Variants in ZFP3 observed in about 807,000 individuals in gnomAD.
The protein encoded by ZFP3 is ZFP3 zinc finger protein, also known as zinc finger protein 3 homolog.
ZFP3 carries 18 observed loss-of-function variants against 36.7 expected under a neutral mutation model. The ratio of observed to expected loss-of-function variants is 0.49; its 90% CI spans 0.34 to 0.73. The LOEUF (loss-of-function observed/expected upper bound fraction) is 0.73. ZFP3 is among the 30% of genes least tolerant of loss of function. ZFP3 has a pLI of 0.01. For missense variants in ZFP3, 495 were observed against 599.0 expected (o/e 0.83, Z 1.81); for synonymous variants, 218 against 199.0 (o/e 1.10, Z -0.81).
chr17:5,078,528 C>G lies in ZFP3; in HGVS notation c.-56C>G, dbSNP rs2072076542. The G allele has an allele frequency of 6.6e-6, 1 of 152,274 alleles. No individual in the cohort carries two copies. Among genetic ancestry groups the G allele is most frequent in the Non-Finnish European group, 1.5e-5 (1 of 68,126 alleles). The allele number at this position is 152,274 out of a possible 1,614,324, so 9.4% of individuals were successfully genotyped here. The stretch of plus-strand genomic sequence containing the variant: ...GGGCTCTGTGCGAGCGGCCCAGCAG[C>G]GCGGAGCCTCAGCGGAGTGAGCGAG... On this transcript the variant is annotated 5_prime_UTR_variant, in exon 1 of 2. Transcript: ENST00000318833. The surrounding 1 kb of genome is among the most constrained non-coding windows in gnomAD (Gnocchi z 4.5).
intron 1 of ZFP3, among the ~76,000 whole-genome samples, chr17:5,087,226 A>AC (rs935984147): frequency 2.0e-5 from 3 of 151,710 alleles, no homozygotes; most frequent in Non-Finnish European, 4.4e-5. Flanking sequence ...AACTACAGGC[A>AC]CATGCCACTA....
chr17:5,086,278 T>A (rs140986023), intron 1 of ZFP3, among the ~76,000 whole-genome samples: 71 of 152,138 alleles, frequency 4.7e-4, no homozygotes, highest in African/African-American at 1.7e-3. Flanking sequence ...CCCTGATGAG[T>A]GACTAGAGGT....
chr17:5,079,489 G>A (rs926068570), intron 1 of ZFP3, among the ~76,000 whole-genome samples: 3 of 151,942 alleles, frequency 2.0e-5, no homozygotes, highest in Admixed American at 2.0e-4. Flanking sequence ...CTGGGCAATA[G>A]AGCCAAGACC....
At position 5,091,657 on chromosome 17, in the gene ZFP3, G is replaced by A. The variant is rs547176449; in HGVS notation, c.153G>A (p.Ser51=). 1.2e-5 allele frequency: 19 copies of A among 1,614,184 alleles called. No homozygotes were observed. The highest frequency in any genetic ancestry group is 5.5e-5 in the South Asian group (5 of 91,084). ...AAGAAGACATGTTGGAGGGACATTC[G>A]AGAGAGTCCATGGAAGAGGTTATAG... is the stretch of plus-strand genomic sequence containing the variant. ...GCEEDMLEGH[S]RESMEEVIEQ... Residue 51 remains serine, a synonymous_variant, in exon 2 of 2, where the codon TCG becomes TCA. Transcript: ENST00000318833.
At chr17:5,090,709 C>T (rs2072145345) in intron 1 of ZFP3, among the ~76,000 whole-genome samples, 1 of 152,046 alleles carries the variant, frequency 6.6e-6, no homozygotes, top group African/African-American at 2.4e-5. Context: ...CTGACTCTGT[C>T]ACCCAGCCTG....
intron 1 of ZFP3, among the ~76,000 whole-genome samples, chr17:5,082,552 G>C (rs2072099653): frequency 6.6e-6 from 1 of 152,014 alleles, no homozygotes; most frequent in African/African-American, 2.4e-5. Flanking sequence ...TTGAGACAGG[G>C]TCTCTTATTC....
intron 1 of ZFP3, among the ~76,000 whole-genome samples, chr17:5,080,926 A>T (rs1245937646): frequency 6.6e-6 from 1 of 152,068 alleles, no homozygotes; most frequent in Non-Finnish European, 1.5e-5. Context: ...TGCTTGTTTC[A>T]TGAGGTGGTG....
At chr17:5,091,416 A>C (rs1187390831) in intron 1 of ZFP3, 81 bp from the exon 2 acceptor site, 12 of 1,413,546 alleles carry the variant, frequency 8.5e-6, no homozygotes, top group Non-Finnish European at 1.1e-5. Flanking sequence ...TGAGAACTAC[A>C]TCAAAGCTCT....
intron 1 of ZFP3, among the ~76,000 whole-genome samples, chr17:5,086,714 C>G (rs1209726184): frequency 6.7e-6 from 1 of 148,154 alleles, no homozygotes; most frequent in African/African-American, 2.5e-5. Flanking sequence ...TCTCAGTACA[C>G]ATTTTCTTTC....
At chr17:5,080,438 A>G (rs907288790) in intron 1 of ZFP3, among the ~76,000 whole-genome samples, 3 of 152,178 alleles carry the variant, frequency 2.0e-5, no homozygotes, top group African/African-American at 7.2e-5. Flanking sequence ...AAGCAAAGCC[A>G]CTGCAAATAT....
intron 1 of ZFP3, among the ~76,000 whole-genome samples, chr17:5,081,837 G>A (rs1046854913): frequency 1.3e-5 from 2 of 149,848 alleles, no homozygotes; most frequent in East Asian, 2.1e-4. Context: ...TCCTGACCTC[G>A]TGATCCACCC....
In ZFP3 at chr17:5,093,713, T is replaced by C. The variant is rs555759429; in HGVS notation, c.*700T>C. On this transcript the variant is annotated 3_prime_UTR_variant, in exon 2 of 2. Coordinates refer to ENST00000318833, the MANE Select transcript of ZFP3 (RefSeq NM_153018.3). ...TTACTTTAGAAGATGGCAGCATTAA[T>C]GAAGAAGCAGGCTCATTTCACATCT... 3 of 167,238 alleles carry C rather than the reference T, an allele frequency of 1.8e-5. No homozygotes were observed. The East Asian group carries it at 5.8e-4, about 32-fold the overall frequency. The allele number at this position is 167,238 out of a possible 1,614,324, so 10.4% of individuals were successfully genotyped here. A position where few individuals can be genotyped will look rare whatever the true frequency, so the allele number is the denominator to read the frequency against.
chr17:5,088,432 A>T (rs944290170), intron 1 of ZFP3, among the ~76,000 whole-genome samples: 5 of 151,094 alleles, frequency 3.3e-5, no homozygotes, highest in Non-Finnish European at 5.9e-5. Context: ...TGATGACTGC[A>T]GCAGCCTCCC....
In ZFP3 at chr17:5,091,987, A is replaced by C. The variant is rs770030956; in HGVS notation, c.483A>C (p.Arg161Ser). 1 of 1,614,222 alleles carries C rather than the reference A, an allele frequency of 6.2e-7. No individual in the cohort carries two copies. The highest frequency in any genetic ancestry group is 2.2e-5 in the East Asian group (1 of 44,894). The change falls in exon 2 of 2, where the codon AGA (arginine) becomes AGC (serine). Residue 161 changes from arginine to serine, a missense_variant. Arg to Ser is a moderately radical substitution (Grantham distance 110). Around this residue, in one of 3 missense-constraint regions of ZFP3, gnomAD observed 229 missense variants for 233.8 expected, o/e 0.98. Transcript: ENST00000318833. ...NQNSHLIQHM[R>S]VHSGEKPFEC... is the part of the protein sequence containing the mutation. Reference sequence around the variant, plus strand: ...ACTCACATCTCATCCAGCATATGAGAGTTCATAGTGGAGAAAAACCCTTTG... The same window carrying C: ...ACTCACATCTCATCCAGCATATGAGCGTTCATAGTGGAGAAAAACCCTTTG...
intron 1 of ZFP3, among the ~76,000 whole-genome samples, chr17:5,087,936 G>A (rs1285763371): frequency 6.6e-6 from 1 of 152,194 alleles, no homozygotes; most frequent in Admixed American, 6.5e-5. Flanking sequence ...AGGGAGAAAG[G>A]TGGAAAGAAG....
At chr17:5,079,578 G>A (rs559508837) in intron 1 of ZFP3, among the ~76,000 whole-genome samples, 2 of 152,168 alleles carry the variant, frequency 1.3e-5, no homozygotes, top group Non-Finnish European at 2.9e-5. Context: ...ACATTTACCA[G>A]GTATCTGAAA....
Position 5,092,486 on chromosome 17 carries a change from C to CA in ZFP3, c.983dup (p.Arg329GlufsTer10), listed in dbSNP as rs1567750321. The CA allele has an allele frequency of 6.2e-7, 1 of 1,614,052 alleles. No homozygotes were observed. The highest frequency in any genetic ancestry group is 8.5e-7 in the Non-Finnish European group (1 of 1,180,004). ...GCAGAGTTCTGAGCTTATCCGGCAT[C>CA]AGAGAATTCATACAGGGGACAAACC... On this transcript the variant is annotated frameshift_variant, in exon 2 of 2. Transcript: ENST00000318833. LOFTEE classifies it high-confidence loss of function. This position sits in a 1 kb window ranked among gnomAD's most constrained non-coding sequence, Gnocchi z 5.0.
At position 5,093,304 on chromosome 17, in the gene ZFP3, A is replaced by T; in HGVS notation, c.*291A>T. ...ACAGTCCTCCTGCCTCAGCCTTCCA[A>T]ATAGCTAGGACTGCAGGCACTAATG... On this transcript the variant is annotated 3_prime_UTR_variant, in exon 2 of 2. Transcript: ENST00000318833. 9.2e-6 allele frequency: 3 copies of T among 326,492 alleles called. No homozygotes were observed. The highest frequency in any genetic ancestry group is 1.8e-5 in the Non-Finnish European group (3 of 170,658). The allele number at this position is 326,492 out of a possible 1,614,324, so 20.2% of individuals were successfully genotyped here.
At position 5,091,838 on chromosome 17, in the gene ZFP3, G is replaced by C; in HGVS notation, c.334G>C (p.Val112Leu). Reference sequence around the variant, plus strand: ...ACATCAGGGAGATACAACAGAGGGAGTTAGTGCATTTGCTACCTCTGGCCA... The same window carrying C: ...ACATCAGGGAGATACAACAGAGGGACTTAGTGCATTTGCTACCTCTGGCCA... ...VTHQGDTTEGVSAFATSGQNF... is the reference protein window; with the variant it reads ...VTHQGDTTEGLSAFATSGQNF... The change falls in exon 2 of 2, where the codon GTT becomes CTT. Residue 112 changes from valine to leucine, a missense_variant. This residue lies in a region of ZFP3 where 229 missense variants were observed against 233.8 expected (regional missense o/e 0.98). Transcript: ENST00000318833. The C allele has an allele frequency of 1.2e-6, 2 of 1,614,236 alleles. No individual in the cohort carries two copies. Among genetic ancestry groups the C allele is most frequent in the South Asian group, 1.1e-5 (1 of 91,092 alleles).
Sources: gnomAD v4.1 joint callset for allele counts (sites outside exome capture counted in the v4.1 genomes callset) on GRCh38, gnomAD v4.1.1 for gene constraint, gnomAD v4.1.1 regional missense constraint, Gnocchi (gnomAD v3.1) non-coding constraint, MANE v1.5 for transcripts, NCBI Gene and HGNC (gene_info 2026-07-23, HGNC 2026-07-21) for gene names.